The following GABRG3 variants were observed in gnomAD, a reference collection of about 807,000 sequenced individuals.
The protein encoded by GABRG3 is gamma-aminobutyric acid receptor subunit gamma-3.
In GABRG3, 25 loss-of-function variants were observed where a neutral mutation model predicts 48.8. That is an observed-to-expected ratio of 0.51 (90% confidence interval 0.37 to 0.72). GABRG3 has a LOEUF of 0.72. GABRG3 is among the 30% of genes least tolerant of loss of function. GABRG3 has a pLI of 0.00. For synonymous variants in GABRG3, 227 were observed against 217.6 expected, an observed-to-expected ratio of 1.04 and a Z score of -0.38; for missense variants, 394 against 577.9, an observed-to-expected ratio of 0.68 and a Z score of 3.26.
At chr15:27,297,330 A>G (rs1236327828) in intron 3 of GABRG3, among the ~76,000 whole-genome samples, 1 of 152,122 alleles carries the variant, frequency 6.6e-6, no homozygotes, top group Non-Finnish European at 1.5e-5. Context: ...TAAAGTCTAC[A>G]GTAGCGTACT....
At chr15:27,150,236 A>G (rs1898285613) in intron 3 of GABRG3, among the ~76,000 whole-genome samples, 3 of 152,158 alleles carry the variant, frequency 2.0e-5, no homozygotes, top group Admixed American at 2.0e-4. Context: ...AGAGGAAAAA[A>G]TGTGAACCTG....
At chr15:27,418,542 G>A (rs905157248) in intron 5 of GABRG3, among the ~76,000 whole-genome samples, 5 of 152,182 alleles carry the variant, frequency 3.3e-5, no homozygotes, top group African/African-American at 1.2e-4. Flanking sequence ...AGCTGCCACT[G>A]TGCAGCCAAG....
At chr15:27,425,610 C>CA (rs888554238) in intron 5 of GABRG3, among the ~76,000 whole-genome samples, 4 of 150,260 alleles carry the variant, frequency 2.7e-5, no homozygotes, top group South Asian at 2.1e-4. Flanking sequence ...GACTCCATCT[C>CA]AAAAAAAAAG....
At chr15:27,138,574 C>T (rs913476635) in intron 3 of GABRG3, among the ~76,000 whole-genome samples, 2 of 152,208 alleles carry the variant, frequency 1.3e-5, no homozygotes, top group South Asian at 2.1e-4. Context: ...CTCTTTTAAG[C>T]CTGTCCTGCT....
chr15:27,139,114 GC>G (rs1324394778), intron 3 of GABRG3, among the ~76,000 whole-genome samples: 1 of 152,108 alleles, frequency 6.6e-6, no homozygotes, highest in Admixed American at 6.5e-5. Flanking sequence ...GATTATGGAG[GC>G]TGAAAAGTCC....
intron 3 of GABRG3, among the ~76,000 whole-genome samples, chr15:27,151,194 C>T (rs529846658): frequency 4.1e-4 from 63 of 152,238 alleles, no homozygotes; most frequent in Admixed American, 9.8e-4. Flanking sequence ...CTGTTCACTG[C>T]AGGATCTGTC....
At chr15:27,004,102 C>T (rs1332851131) in intron 2 of GABRG3, among the ~76,000 whole-genome samples, 14 of 148,448 alleles carry the variant, frequency 9.4e-5, no homozygotes, top group South Asian at 2.2e-4. Context: ...CCCTCCCGGA[C>T]GGGGCGGCTG....
chr15:27,157,358 A>G (rs1249352200), intron 3 of GABRG3, among the ~76,000 whole-genome samples: 2 of 152,216 alleles, frequency 1.3e-5, no homozygotes, highest in African/African-American at 4.8e-5. Flanking sequence ...GTTTTTCAGG[A>G]TTCAAATACA....
intron 3 of GABRG3, among the ~76,000 whole-genome samples, chr15:27,194,757 G>A (rs1888440585): frequency 2.6e-5 from 4 of 152,080 alleles, no homozygotes; most frequent in African/African-American, 7.2e-5. Context: ...CTCGAGGTTT[G>A]CTTAGCCTCT....
intron 5 of GABRG3, among the ~76,000 whole-genome samples, chr15:27,384,423 AAG>A (rs1265089939): frequency 6.6e-6 from 1 of 152,190 alleles, no homozygotes; most frequent in African/African-American, 2.4e-5. Flanking sequence ...CTGAAAAAGT[AAG>A]AGAGCATTTT....
intron 3 of GABRG3, among the ~76,000 whole-genome samples, chr15:27,194,694 C>T (rs1207639928): frequency 6.6e-6 from 1 of 151,984 alleles, no homozygotes; most frequent in Non-Finnish European, 1.5e-5. Flanking sequence ...AGATTTTTTA[C>T]CTTATTTTTC....
Position 27,063,269 on chromosome 15 carries a change from G to C in GABRG3, c.270+36448G>C, listed in dbSNP as rs534397381. ...AGTGTCTTCGGGTGGACGTTTTCAG[G>C]TGGAGATCCAGATCTGCAGGTGTCT... On this transcript the variant is annotated intron_variant, in intron 3 of 9. Transcript: ENST00000615808. 8.5e-5 allele frequency among the ~76,000 whole-genome samples: 13 copies of C among 152,336 alleles called. No individual in the cohort carries two copies. The South Asian group carries it at 1.0e-3, about 12-fold the overall frequency.
intron 5 of GABRG3, among the ~76,000 whole-genome samples, chr15:27,411,643 CT>C (rs957681760): frequency 6.6e-6 from 1 of 152,070 alleles, no homozygotes; most frequent in African/African-American, 2.4e-5. Flanking sequence ...TTTTCAAAGG[CT>C]TTTATATGAG....
chr15:27,294,180 C>T (rs1891898032), intron 3 of GABRG3, among the ~76,000 whole-genome samples: 1 of 151,366 alleles, frequency 6.6e-6, no homozygotes, highest in African/African-American at 2.4e-5. Context: ...AGATCCCTGT[C>T]ATCTGTAATC....
At chr15:27,454,156 T>C (rs913884299) in intron 5 of GABRG3, among the ~76,000 whole-genome samples, 1 of 152,200 alleles carries the variant, frequency 6.6e-6, no homozygotes, top group Non-Finnish European at 1.5e-5. Context: ...GTGACTCCAG[T>C]ATGTGCCTGT....
chr15:27,527,419 C>T lies in GABRG3; in HGVS notation c.866-14C>T, dbSNP rs370118937. The T allele has an allele frequency of 9.9e-5, 159 of 1,610,148 alleles. No individual in the cohort carries two copies. Among genetic ancestry groups the T allele is most frequent in the Non-Finnish European group, 1.2e-4 (145 of 1,177,752 alleles). ...TTGCACCCTTTTACAACATGCTACC[C>T]GTCCCCTGTTCAGGCATCACCACGG... On this transcript the variant is annotated splice_polypyrimidine_tract_variant and intron_variant, in intron 7 of 9. Transcript: ENST00000615808.
intron 3 of GABRG3, among the ~76,000 whole-genome samples, chr15:27,084,662 G>A (rs549556583): frequency 9.8e-5 from 15 of 152,302 alleles, no homozygotes; most frequent in South Asian, 2.1e-4. Context: ...GTCTGTTTTC[G>A]TCATGGGGAC....
chr15:27,526,473 C>T (rs1285845591), intron 7 of GABRG3, among the ~76,000 whole-genome samples: 3 of 152,198 alleles, frequency 2.0e-5, no homozygotes, highest in Non-Finnish European at 4.4e-5. Context: ...AATCTGGGGT[C>T]ACTAACCTTC....
At position 27,240,937 on chromosome 15, in the gene GABRG3, A is replaced by G. The variant is rs914378920; in HGVS notation, c.271-85872A>G. On this transcript the variant is annotated intron_variant, in intron 3 of 9. Transcript: ENST00000615808. ...TCTCAAATAAAATTTCACATTTCAT[A>G]TGGAATCCTGATAAAAATGGAAATG... is the stretch of plus-strand genomic sequence containing the variant. Among the ~76,000 whole-genome samples, 3 of 152,182 alleles carry G rather than the reference A, an allele frequency of 2.0e-5. No homozygotes were observed. The East Asian group carries it at 5.8e-4, about 29-fold the overall frequency.
Sources: gnomAD v4.1 joint callset for allele counts (sites outside exome capture counted in the v4.1 genomes callset) on GRCh38, gnomAD v4.1.1 for gene constraint, MANE v1.5 for transcripts, NCBI Gene and HGNC (gene_info 2026-07-23, HGNC 2026-07-21) for gene names.